The following EBF1 variants were observed in gnomAD, a reference collection of about 807,000 sequenced individuals.
The protein encoded by EBF1 is EBF transcription factor 1, also known as transcription factor COE1.
Under a neutral mutation model 68.4 loss-of-function variants are expected in EBF1, and 10 were observed. That is an observed-to-expected ratio of 0.15 (90% CI 0.09 to 0.25). The LOEUF (loss-of-function observed/expected upper bound fraction) is 0.25, where lower values mean the gene tolerates loss of function less well. EBF1 is among the 10% of genes least tolerant of loss of function. EBF1 has a pLI of 1.00. For missense variants in EBF1, 509 were observed against 794.4 expected, an observed-to-expected ratio of 0.64 and a Z score of 4.32; for synonymous variants, 298 against 299.8, an observed-to-expected ratio of 0.99 and a Z score of 0.06.
intron 6 of EBF1, among the ~76,000 whole-genome samples, chr5:158,981,073 T>C (rs889702137): frequency 1.7e-4 from 26 of 152,048 alleles, no homozygotes; most frequent in Admixed American, 1.6e-3. Flanking sequence ...GAATATATAC[T>C]ATTCAATAAG....
intron 7 of EBF1, among the ~76,000 whole-genome samples, chr5:158,835,267 G>C (rs528684219): frequency 2.0e-4 from 30 of 152,210 alleles, no homozygotes; most frequent in Non-Finnish European, 4.0e-4. Context: ...GATGTCTTCG[G>C]GGTGATTTAC....
At chr5:159,031,833 T>C (rs749002219) in intron 6 of EBF1, among the ~76,000 whole-genome samples, 1 of 152,174 alleles carries the variant, frequency 6.6e-6, no homozygotes, top group East Asian at 1.9e-4. Flanking sequence ...GCAATGAAAC[T>C]TTTAAAATTT....
At chr5:158,941,306 C>A (rs1488801565) in intron 6 of EBF1, 2 of 453,210 alleles carry the variant, frequency 4.4e-6, no homozygotes, top group Non-Finnish European at 4.4e-6. Context: ...ATACAGCAAA[C>A]CTCTCAAGCA....
At chr5:158,852,137 T>C (rs1793062790) in intron 6 of EBF1, among the ~76,000 whole-genome samples, 1 of 144,024 alleles carries the variant, frequency 6.9e-6, no homozygotes, top group Non-Finnish European at 1.5e-5. Context: ...AACTTTATGC[T>C]TCAAGGAAAA....
intron 6 of EBF1, among the ~76,000 whole-genome samples, chr5:159,000,796 A>G (rs367789798): frequency 1.1e-4 from 17 of 152,166 alleles, no homozygotes; most frequent in African/African-American, 2.9e-4. Context: ...CAAATGACCA[A>G]TGAGTGATGT....
chr5:158,767,305 G>A (rs1312647889), intron 10 of EBF1, among the ~76,000 whole-genome samples: 1 of 152,004 alleles, frequency 6.6e-6, no homozygotes, highest in Non-Finnish European at 1.5e-5. Flanking sequence ...TATGCATTAT[G>A]TTCACAATTA....
At chr5:158,913,928 G>A (rs1806570130) in intron 6 of EBF1, among the ~76,000 whole-genome samples, 1 of 152,254 alleles carries the variant, frequency 6.6e-6, no homozygotes, top group South Asian at 2.1e-4. Context: ...TGAGCAACCA[G>A]TTATTCAGTG....
intron 6 of EBF1, among the ~76,000 whole-genome samples, chr5:158,960,122 G>A (rs1817880541): frequency 6.6e-6 from 1 of 152,168 alleles, no homozygotes; most frequent in Non-Finnish European, 1.5e-5. Flanking sequence ...GGGACACTTA[G>A]AGCAGCAGAT....
intron 8 of EBF1, among the ~76,000 whole-genome samples, chr5:158,797,589 T>C (rs1779816156): frequency 6.6e-6 from 1 of 152,172 alleles, no homozygotes; most frequent in Admixed American, 6.6e-5. Flanking sequence ...AAAAAAATAT[T>C]TGGACTTTGT....
chr5:158,860,949 G>A (rs1582659868), intron 6 of EBF1, among the ~76,000 whole-genome samples: 2 of 152,230 alleles, frequency 1.3e-5, no homozygotes, highest in South Asian at 4.1e-4. Flanking sequence ...TCCAGAGCTG[G>A]GTAGATTAAC....
chr5:158,980,820 C>T (rs1373065659), intron 6 of EBF1, among the ~76,000 whole-genome samples: 1 of 152,096 alleles, frequency 6.6e-6, no homozygotes, highest in Non-Finnish European at 1.5e-5. Flanking sequence ...AAATAAAACT[C>T]TGAAAAACTG....
intron 7 of EBF1, among the ~76,000 whole-genome samples, chr5:158,830,675 T>C (rs1022127321): frequency 2.0e-5 from 3 of 152,228 alleles, no homozygotes; most frequent in African/African-American, 7.2e-5. Context: ...AGTTTGAGTA[T>C]TATTTACATA....
chr5:159,016,807 G>T (rs1276066364), intron 6 of EBF1, among the ~76,000 whole-genome samples: 1 of 152,166 alleles, frequency 6.6e-6, no homozygotes, highest in Non-Finnish European at 1.5e-5. Context: ...CCCCCCAAAA[G>T]ACAGACCTTT....
At chr5:158,808,638 T>C (rs1254316828) in intron 8 of EBF1, among the ~76,000 whole-genome samples, 3 of 152,102 alleles carry the variant, frequency 2.0e-5, no homozygotes, top group East Asian at 1.9e-4. Flanking sequence ...GCCCACCTCA[T>C]AGGATTGTTG....
intron 1 of EBF1, 77 bp from the exon 2 acceptor site, chr5:159,097,207 G>A (rs991968519): frequency 1.6e-5 from 24 of 1,484,272 alleles, no homozygotes; most frequent in Middle Eastern, 1.8e-4. Flanking sequence ...ACACACACTC[G>A]AACCCTCAAA....
At chr5:158,867,917 G>GT (rs1337692480) in intron 6 of EBF1, among the ~76,000 whole-genome samples, 2 of 152,032 alleles carry the variant, frequency 1.3e-5, no homozygotes, top group Non-Finnish European at 2.9e-5. Flanking sequence ...GCCTTCATTT[G>GT]TTTTTTCTAC....
chr5:158,747,021 CA>C (rs1767739574), intron 10 of EBF1, among the ~76,000 whole-genome samples: 1 of 152,180 alleles, frequency 6.6e-6, no homozygotes, highest in African/African-American at 2.4e-5. Context: ...CTAGATTTAA[CA>C]GTGTGATCTT....
At chr5:158,885,644 C>G (rs999173091) in intron 6 of EBF1, among the ~76,000 whole-genome samples, 3 of 152,290 alleles carry the variant, frequency 2.0e-5, no homozygotes, top group African/African-American at 7.2e-5. Context: ...TCCACCTCTG[C>G]TCATCAAATC....
chr5:159,038,882 C>G (rs1222991490), intron 6 of EBF1, among the ~76,000 whole-genome samples: 2 of 152,050 alleles, frequency 1.3e-5, no homozygotes, highest in Non-Finnish European at 2.9e-5. Context: ...GGATCTCGGA[C>G]AAGTAGCCTC....
Sources: allele counts gnomAD v4.1 joint callset (sites outside exome capture counted in the v4.1 genomes callset), GRCh38; gene constraint gnomAD v4.1.1; transcripts MANE v1.5; gene names NCBI Gene and HGNC (gene_info 2026-07-23, HGNC 2026-07-21).